Variants in RANBP2 observed in about 807,000 individuals in gnomAD.
RANBP2 encodes E3 SUMO-protein ligase RanBP2.
In RANBP2, 57 loss-of-function variants were observed where a neutral mutation model predicts 303.6. The observed-to-expected ratio is 0.19, with a 90% CI of 0.15 to 0.23. The LOEUF (loss-of-function observed/expected upper bound fraction) is 0.23, where lower values mean the gene tolerates loss of function less well. Among genes scored for constraint, RANBP2 ranks in the 10% least tolerant of loss-of-function variants. The pLI is 1.00. For synonymous variants in RANBP2, 1,167 were observed against 1,301.5 expected, an observed-to-expected ratio of 0.90 and a Z score of 2.23; for missense variants, 3,138 against 3,780.8, an observed-to-expected ratio of 0.83 and a Z score of 4.46.
At position 108,785,443 on chromosome 2, in the gene RANBP2, A is replaced by C. The variant is rs1444569807; in HGVS notation, c.*1542A>C. On this transcript the variant is annotated 3_prime_UTR_variant, in exon 29 of 29. Transcript: ENST00000283195. Reference sequence around the variant, plus strand: ...AGCTGAGACAGTTGATGCCTTCGTCATGATTTTAGAATAAATTCTTAAGTT... The same window carrying C: ...AGCTGAGACAGTTGATGCCTTCGTCCTGATTTTAGAATAAATTCTTAAGTT... 3 of 152,066 alleles carry C rather than the reference A, an allele frequency of 2.0e-5. No homozygotes were observed. The highest frequency in any genetic ancestry group is 6.5e-5 in the Admixed American group (1 of 15,278). 9.4% of individuals were successfully genotyped at this position (152,066 alleles called of 1,614,324 possible). A position where few individuals can be genotyped will look rare whatever the true frequency, so the allele number is the denominator to read the frequency against.
At chr2:109,449,379 G>C in the RANBP2 span, 1 of 1,611,462 alleles carries the variant, frequency 6.2e-7, no homozygotes, top group South Asian at 1.1e-5. Flanking sequence ...ACCTCCCAAC[G>C]TCAGTGCCGC....
the RANBP2 span, among the ~76,000 whole-genome samples, chr2:109,573,648 C>G: frequency 6.6e-6 from 1 of 152,304 alleles, no homozygotes; most frequent in South Asian, 2.1e-4. Flanking sequence ...ATTTTTAATT[C>G]AACTTATACA....
At chr2:108,869,702 A>G in the RANBP2 span, among the ~76,000 whole-genome samples, 1 of 152,112 alleles carries the variant, frequency 6.6e-6, no homozygotes, top group Non-Finnish European at 1.5e-5. Context: ...AAAAGAAAAA[A>G]ACAGCATACA....
At chr2:109,129,350 GGTCCCCGCCACGCAGGCC>G in the RANBP2 span, 2 of 851,166 alleles carry the variant, frequency 2.3e-6, no homozygotes, top group African/African-American at 3.5e-5. Flanking sequence ...CACGCAGGCC[GGTCCCCGCCACGCAGGCC>G]GGTCGGTGAG....
At chr2:109,597,909 A>G in the RANBP2 span, among the ~76,000 whole-genome samples, 1 of 152,130 alleles carries the variant, frequency 6.6e-6, no homozygotes, top group African/African-American at 2.4e-5. Context: ...CCAATTACAG[A>G]TAAACTTCTG....
chr2:109,262,853 G>A, the RANBP2 span, among the ~76,000 whole-genome samples: 1 of 151,366 alleles, frequency 6.6e-6, no homozygotes, highest in East Asian at 1.9e-4. Flanking sequence ...ATTTTTTTGA[G>A]ACAGAGTCTT....
At chr2:109,670,401 T>G in the RANBP2 span, among the ~76,000 whole-genome samples, 2 of 149,890 alleles carry the variant, frequency 1.3e-5, no homozygotes, top group Admixed American at 1.3e-4. Context: ...TATCTGGGGT[T>G]GCAGTACCCA....
At chr2:109,181,574 A>G in the RANBP2 span, among the ~76,000 whole-genome samples, 2 of 152,182 alleles carry the variant, frequency 1.3e-5, no homozygotes, top group African/African-American at 4.8e-5. Context: ...TACTTTCACC[A>G]GATTCCTCTT....
chr2:109,634,773 G>C, the RANBP2 span, among the ~76,000 whole-genome samples: 1 of 151,910 alleles, frequency 6.6e-6, no homozygotes, highest in Non-Finnish European at 1.5e-5. Context: ...AGGAGGCTTA[G>C]ATTAGCATAA....
At chr2:109,537,705 G>A in the RANBP2 span, among the ~76,000 whole-genome samples, 1 of 152,082 alleles carries the variant, frequency 6.6e-6, no homozygotes, top group Non-Finnish European at 1.5e-5. Flanking sequence ...CAGCACTTTG[G>A]GAGGCTGGGG....
the RANBP2 span, among the ~76,000 whole-genome samples, chr2:109,282,908 A>C: frequency 4.6e-5 from 7 of 152,184 alleles, no homozygotes; most frequent in African/African-American, 1.4e-4. Context: ...CTCAGGTGAC[A>C]GTGAGAAGGA....
the RANBP2 span, among the ~76,000 whole-genome samples, chr2:109,322,426 G>A: frequency 2.6e-5 from 4 of 152,160 alleles, no homozygotes; most frequent in African/African-American, 4.8e-5. Context: ...ACTAGGAGGC[G>A]GGTGAGTTGT....
the RANBP2 span, among the ~76,000 whole-genome samples, chr2:109,191,648 T>G: frequency 1.3e-5 from 2 of 152,140 alleles, no homozygotes; most frequent in African/African-American, 2.4e-5. Context: ...TCCCAATAAT[T>G]GGAGCCACTT....
chr2:109,563,445 C>T, the RANBP2 span, among the ~76,000 whole-genome samples: 1 of 152,150 alleles, frequency 6.6e-6, no homozygotes, highest in African/African-American at 2.4e-5. Flanking sequence ...GAAAAGGAAT[C>T]CTCAGTCTCA....
chr2:109,307,596 C>T, the RANBP2 span, among the ~76,000 whole-genome samples: 1 of 130,760 alleles, frequency 7.6e-6, no homozygotes, highest in African/African-American at 3.1e-5. Flanking sequence ...ACCACAGTCC[C>T]CAGAGTGTGA....
At chr2:108,906,463 G>C in the RANBP2 span, 5 of 1,297,348 alleles carry the variant, frequency 3.9e-6, no homozygotes, top group Non-Finnish European at 5.6e-6. Flanking sequence ...CAGCAGCTAC[G>C]CCCAACACCA....
chr2:109,039,197 A>G, the RANBP2 span, among the ~76,000 whole-genome samples: 1 of 151,326 alleles, frequency 6.6e-6, no homozygotes, highest in African/African-American at 2.4e-5. Context: ...TGAAACATCA[A>G]CCCTCCCCTG....
the RANBP2 span, among the ~76,000 whole-genome samples, chr2:109,028,438 C>T: frequency 2.0e-5 from 3 of 152,172 alleles, no homozygotes; most frequent in Non-Finnish European, 4.4e-5. Flanking sequence ...TGCTGCTGCA[C>T]CCTGGCTTCC....
chr2:109,054,949 T>A, the RANBP2 span, among the ~76,000 whole-genome samples: 1 of 152,194 alleles, frequency 6.6e-6, no homozygotes. Flanking sequence ...CAGTCCTTTT[T>A]ATTGCTAAGT....
Sources: allele counts gnomAD v4.1 joint callset (sites outside exome capture counted in the v4.1 genomes callset), GRCh38; gene constraint gnomAD v4.1.1; transcripts MANE v1.5; gene names NCBI Gene and HGNC (gene_info 2026-07-23, HGNC 2026-07-21).